The following EXOC3L2 variants were observed in gnomAD, a reference collection of about 807,000 sequenced individuals.
EXOC3L2 encodes the protein exocyst complex component 3 like 2.
EXOC3L2 carries 17 observed loss-of-function variants against 44.4 expected under a neutral mutation model. That is an observed-to-expected ratio of 0.38 (90% CI 0.26 to 0.57). EXOC3L2 has a LOEUF of 0.57. Among genes scored for constraint, EXOC3L2 ranks in the 20% least tolerant of loss-of-function variants. EXOC3L2 has a pLI of 0.65. For missense variants in EXOC3L2, 541 were observed against 588.4 expected (o/e 0.92, Z 0.83); for synonymous variants, 256 against 253.7 (o/e 1.01, Z -0.09).
chr19:45,217,426 T>C (rs1684675452), intron 10 of EXOC3L2, 102 bp downstream of exon 10: 1 of 1,356,678 alleles, frequency 7.4e-7, no homozygotes, highest in Non-Finnish European at 9.6e-7. Context: ...GTTTCTGTCC[T>C]GAGCTCTGCC....
chr19:45,227,284 A>C lies in EXOC3L2; in HGVS notation c.1583+378T>G, dbSNP rs144251579. ...AGGTGCCCGCCACCATGCCCGGCTA[A>C]TTTTTTTTTGTATTTTTTAGTAGAG... On this transcript the variant is annotated intron_variant, in intron 7 of 11. Transcript: ENST00000413988. 4.0e-3 allele frequency among the ~76,000 whole-genome samples: 589 copies of C among 146,938 alleles called. 1 individual carries two copies. Among genetic ancestry groups the C allele is most frequent in the African/African-American group, 0.013 (503 of 40,082 alleles).
In EXOC3L2 at chr19:45,244,717, C is replaced by T. The variant is rs372421807; in HGVS notation, c.-17+624G>A. 5.3e-5 allele frequency among the ~76,000 whole-genome samples: 8 copies of T among 152,246 alleles called. No individual in the cohort carries two copies. In the South Asian group the frequency reaches 1.5e-3, roughly 28 times the overall value. On this transcript the variant is annotated intron_variant, in intron 1 of 11. Transcript: ENST00000413988. The stretch of plus-strand genomic sequence containing the variant: ...TAACCTTCTGCAGCGGCCCTGACCT[C>T]GGTTTGCGGAATCCATCACCTCCAA...
intron 4 of EXOC3L2, among the ~76,000 whole-genome samples, chr19:45,228,940 G>C (rs1338729544): frequency 6.6e-6 from 1 of 151,738 alleles, no homozygotes; most frequent in Non-Finnish European, 1.5e-5. Flanking sequence ...GCGTGGTGGT[G>C]GGCGCCTGTA....
intron 1 of EXOC3L2, among the ~76,000 whole-genome samples, chr19:45,239,608 C>G (rs1212830484): frequency 6.6e-6 from 1 of 151,122 alleles, no homozygotes; most frequent in Non-Finnish European, 1.5e-5. Context: ...GCAACCTCCG[C>G]CTCCCAGGTT....
chr19:45,233,158 G>A (rs1347393840), intron 3 of EXOC3L2, among the ~76,000 whole-genome samples: 1 of 152,156 alleles, frequency 6.6e-6, no homozygotes, highest in Non-Finnish European at 1.5e-5. Context: ...GGAGGTTGCA[G>A]TTGGCAGAGA....
At chr19:45,227,563 C>A in intron 7 of EXOC3L2, 99 bp downstream of exon 7, 2 of 991,516 alleles carry the variant, frequency 2.0e-6, no homozygotes, top group South Asian at 2.9e-5. Context: ...CTCAGACTCC[C>A]CTGAGTCAGT....
At chr19:45,217,796 A>G (rs971528858) in intron 9 of EXOC3L2, 113 bp from the exon 10 acceptor site, 8 of 1,245,334 alleles carry the variant, frequency 6.4e-6, no homozygotes, top group African/African-American at 1.6e-5. Flanking sequence ...CCGGGCACCC[A>G]TGGGCACCCT....
At chr19:45,221,909 A>G (rs2122964102) in intron 8 of EXOC3L2, among the ~76,000 whole-genome samples, 1 of 149,248 alleles carries the variant, frequency 6.7e-6, no homozygotes, top group African/African-American at 2.5e-5. Flanking sequence ...CTCAGCCTTC[A>G]AAAGTGCTGG....
In EXOC3L2 at chr19:45,238,698, G is replaced by T. The variant is rs767571668; in HGVS notation, c.348C>A (p.His116Gln). 1.8e-5 allele frequency: 7 copies of T among 398,936 alleles called. No homozygotes were observed. The highest frequency in any genetic ancestry group is 3.1e-5 in the Non-Finnish European group (7 of 225,978). The allele number at this position is 398,936 out of a possible 1,614,324, so 24.7% of individuals were successfully genotyped here. A position where few individuals can be genotyped will look rare whatever the true frequency, so the allele number is the denominator to read the frequency against. ...LLARLHGTRAHGDEEAAGEAA... is the reference protein window; with the variant it reads ...LLARLHGTRAQGDEEAAGEAA... The stretch of plus-strand genomic sequence containing the variant: ...CCTCCCCCGCTGCCTCCTCGTCGCC[G>T]TGGGCTCGGGTCCCATGCAGCCGGG... Residue 116 changes from histidine to glutamine, a missense_variant, in exon 2 of 12, where the codon CAC becomes CAA. Physicochemically the swap from His to Gln is conservative, Grantham distance 24 (BLOSUM62 0). Coordinates refer to ENST00000413988, the MANE Select transcript of EXOC3L2 (RefSeq NM_001382422.1). This position sits in a 1 kb window ranked among gnomAD's most constrained non-coding sequence, Gnocchi z 5.5.
In EXOC3L2 at chr19:45,213,069, T is replaced by C; in HGVS notation, c.2409A>G (p.Ter803TrpextTer8). The C allele has an allele frequency of 6.7e-7, 1 of 1,485,848 alleles. No individual in the cohort carries two copies. The highest frequency in any genetic ancestry group is 2.4e-5 in the East Asian group (1 of 42,060). 92.0% of individuals were successfully genotyped at this position (1,485,848 alleles called of 1,614,324 possible). Residue 803 changes from the stop codon to tryptophan (W), a stop_lost, in exon 12 of 12, where the codon TGA becomes TGG. Coordinates refer to ENST00000413988, the MANE Select transcript of EXOC3L2 (RefSeq NM_001382422.1). ...ACTAAGGCCGGCGGTTGGGTGACCC[T>C]CAGCGCTGGGCCCGAGGTCGCGCTA... The part of the protein sequence containing the change: ...PSLARPRAQR[*>W]
chr19:45,216,462 C>T (rs970517167), intron 10 of EXOC3L2, among the ~76,000 whole-genome samples: 13 of 151,954 alleles, frequency 8.6e-5, no homozygotes, highest in Admixed American at 7.9e-4. Context: ...ACCTGTAATC[C>T]CAACTACTCA....
chr19:45,218,990 G>C (rs1282569003), intron 8 of EXOC3L2, among the ~76,000 whole-genome samples: 1 of 152,052 alleles, frequency 6.6e-6, no homozygotes, highest in Admixed American at 6.6e-5. Context: ...TGTAATCCTA[G>C]CACTTTGGAA....
intron 3 of EXOC3L2, among the ~76,000 whole-genome samples, chr19:45,232,443 G>C (rs1039790293): frequency 6.6e-6 from 1 of 152,134 alleles, no homozygotes; most frequent in Non-Finnish European, 1.5e-5. Flanking sequence ...GATAACATGA[G>C]AGCATTATTG....
At chr19:45,227,401 A>G (rs1345194628) in intron 7 of EXOC3L2, among the ~76,000 whole-genome samples, 3 of 152,108 alleles carry the variant, frequency 2.0e-5, no homozygotes, top group African/African-American at 4.8e-5. Flanking sequence ...GATTACAGGC[A>G]TGAGCCACTG....
intron 1 of EXOC3L2, among the ~76,000 whole-genome samples, chr19:45,242,600 G>A (rs533117333): frequency 3.3e-5 from 5 of 151,938 alleles, no homozygotes; most frequent in South Asian, 2.1e-4. Context: ...AGTGGCTCAC[G>A]CCTATAATCC....
intron 8 of EXOC3L2, 25 bp downstream of exon 8, chr19:45,224,753 A>G (rs373316474): frequency 3.9e-6 from 6 of 1,545,098 alleles, no homozygotes; most frequent in Non-Finnish European, 5.2e-6. Flanking sequence ...CATGGGCCCC[A>G]ACCCTGGCCT....
Position 45,224,860 on chromosome 19 carries a change from C to CG in EXOC3L2, c.1636dup (p.Arg546ProfsTer6). 1 of 1,580,688 alleles carries CG rather than the reference C, an allele frequency of 6.3e-7. No homozygotes were observed. Among genetic ancestry groups the CG allele is most frequent in the Non-Finnish European group, 8.6e-7 (1 of 1,162,286 alleles). On this transcript the variant is annotated frameshift_variant, in exon 8 of 12. Coordinates refer to ENST00000413988, the MANE Select transcript of EXOC3L2 (RefSeq NM_001382422.1). LOFTEE classifies it high-confidence loss of function. ...GTCCAGAGCACTAGCAGATGCTTCCCGGGCCGGCTCGCTTTCTGGGGGCCC... is the reference window on the plus strand; with the variant it reads ...GTCCAGAGCACTAGCAGATGCTTCCCGGGGCCGGCTCGCTTTCTGGGGGCCC...
At chr19:45,216,264 C>A (rs1969834085) in intron 10 of EXOC3L2, 70 bp from the exon 11 acceptor site, 2 of 1,566,264 alleles carry the variant, frequency 1.3e-6, no homozygotes, top group Non-Finnish European at 1.7e-6. Flanking sequence ...CCCCTCCTGG[C>A]TTGTTATACC....
chr19:45,224,665 C>G, intron 8 of EXOC3L2, 113 bp downstream of exon 8: 1 of 1,407,454 alleles, frequency 7.1e-7, no homozygotes, highest in Middle Eastern at 2.6e-4. Context: ...GCCCCCCGCC[C>G]CTGTCTGCTT....
Sources: allele counts gnomAD v4.1 joint callset (sites outside exome capture counted in the v4.1 genomes callset), GRCh38; gene constraint gnomAD v4.1.1; non-coding constraint Gnocchi (gnomAD v3.1); transcripts MANE v1.5; gene names NCBI Gene and HGNC (gene_info 2026-07-23, HGNC 2026-07-21).